The following AMBRA1 variants were observed in gnomAD, a reference collection of about 807,000 sequenced individuals.
The protein encoded by AMBRA1 is autophagy and beclin 1 regulator 1, also known as activating molecule in BECN1-regulated autophagy protein 1.
AMBRA1 carries 47 observed loss-of-function variants against 125.4 expected under a neutral mutation model. The ratio of observed to expected loss-of-function variants is 0.37; its 90% CI spans 0.30 to 0.48. The LOEUF (loss-of-function observed/expected upper bound fraction) is 0.48. Among genes scored for constraint, AMBRA1 ranks in the 20% least tolerant of loss-of-function variants. AMBRA1 has a pLI of 0.99. For missense variants in AMBRA1, 1,331 were observed against 1,693.4 expected, an observed-to-expected ratio of 0.79 and a Z score of 3.76; for synonymous variants, 626 against 655.5, an observed-to-expected ratio of 0.95 and a Z score of 0.69.
At chr11:46,584,400 C>T (rs1312383071) in intron 1 of AMBRA1, among the ~76,000 whole-genome samples, 1 of 146,106 alleles carries the variant, frequency 6.8e-6, no homozygotes, top group African/African-American at 2.5e-5. Flanking sequence ...GGAGGGATAG[C>T]ATTAGGAGAT....
intron 7 of AMBRA1, among the ~76,000 whole-genome samples, chr11:46,527,810 C>T (rs912861453): frequency 1.3e-5 from 2 of 151,732 alleles, no homozygotes; most frequent in African/African-American, 4.8e-5. Context: ...CAGGAAATAA[C>T]AAGTGCTGAC....
intron 7 of AMBRA1, among the ~76,000 whole-genome samples, chr11:46,525,336 T>A (rs1362872347): frequency 6.6e-6 from 1 of 151,876 alleles, no homozygotes; most frequent in East Asian, 1.9e-4. Flanking sequence ...GCGCGGTGGC[T>A]CACACCACAC....
At chr11:46,585,947 A>C (rs1002349891) in intron 1 of AMBRA1, among the ~76,000 whole-genome samples, 2 of 150,364 alleles carry the variant, frequency 1.3e-5, no homozygotes, top group African/African-American at 2.4e-5. Context: ...CTGAGATTAC[A>C]GGCATGCACC....
intron 1 of AMBRA1, among the ~76,000 whole-genome samples, chr11:46,562,215 C>A (rs1245944212): frequency 6.6e-6 from 1 of 151,900 alleles, no homozygotes; most frequent in African/African-American, 2.4e-5. Context: ...AGAAAAGAGG[C>A]AGGTGAAAAA....
intron 9 of AMBRA1, among the ~76,000 whole-genome samples, chr11:46,501,302 G>A (rs1565224216): frequency 6.6e-6 from 1 of 152,302 alleles, no homozygotes; most frequent in East Asian, 1.9e-4. Context: ...CCAAAGATGT[G>A]CACATTGGAT....
chr11:46,453,334 C>T (rs2136799756), intron 11 of AMBRA1, among the ~76,000 whole-genome samples: 1 of 152,044 alleles, frequency 6.6e-6, no homozygotes. Flanking sequence ...GGTGCAATCA[C>T]AGCTCACTGC....
At chr11:46,507,616 C>A (rs1017772330) in intron 9 of AMBRA1, among the ~76,000 whole-genome samples, 1 of 152,138 alleles carries the variant, frequency 6.6e-6, no homozygotes, top group East Asian at 1.9e-4. Context: ...ATTTCTCAAC[C>A]CACCACATTA....
intron 13 of AMBRA1, among the ~76,000 whole-genome samples, chr11:46,433,859 T>C (rs1947575109): frequency 6.6e-6 from 1 of 152,166 alleles, no homozygotes; most frequent in African/African-American, 2.4e-5. Flanking sequence ...CTCATGCCTG[T>C]AATCCCAGCA....
Position 46,542,317 on chromosome 11 carries a change from C to T in AMBRA1, c.1700G>A (p.Arg567His), listed in dbSNP as rs369659711. Residue 567 changes from arginine (R) to histidine (H), a missense_variant, in exon 7 of 18, where the codon CGC (arginine) becomes CAC (histidine). Physicochemically the swap from Arg to His is conservative, Grantham distance 29 (BLOSUM62 0). Transcript: ENST00000683756. This position sits in a 1 kb window ranked among gnomAD's most constrained non-coding sequence, Gnocchi z 5.9. ...NSNLSRGHLN[R>H]CRACHNLLTF... ...CAGGAGATTGTGGCAAGCACGACAGCGATTCAGGTGGCCACGGGACAGGTT... is the reference window on the plus strand; with the variant it reads ...CAGGAGATTGTGGCAAGCACGACAGTGATTCAGGTGGCCACGGGACAGGTT... 32 of 1,613,960 alleles carry T rather than the reference C, an allele frequency of 2.0e-5. No individual in the cohort carries two copies. Among genetic ancestry groups the T allele is most frequent in the Admixed American group, 6.7e-5 (4 of 60,002 alleles).
At chr11:46,588,307 G>C (rs1178173285) in intron 1 of AMBRA1, among the ~76,000 whole-genome samples, 1 of 152,122 alleles carries the variant, frequency 6.6e-6, no homozygotes, top group Non-Finnish European at 1.5e-5. Flanking sequence ...ACTCCAGCCT[G>C]GATGACAGAG....
intron 11 of AMBRA1, among the ~76,000 whole-genome samples, chr11:46,478,836 C>G (rs938213420): frequency 6.6e-6 from 1 of 151,976 alleles, no homozygotes; most frequent in Non-Finnish European, 1.5e-5. Context: ...CTTGAAAGTT[C>G]TAAATCTGTA....
intron 14 of AMBRA1, among the ~76,000 whole-genome samples, chr11:46,418,769 C>A (rs897887819): frequency 4.6e-5 from 7 of 152,176 alleles, no homozygotes; most frequent in African/African-American, 1.7e-4. Flanking sequence ...CTAGGGGACT[C>A]TATGGCTCTA....
chr11:46,536,964 C>T (rs1170998712), intron 7 of AMBRA1, among the ~76,000 whole-genome samples: 1 of 152,210 alleles, frequency 6.6e-6, no homozygotes, highest in Non-Finnish European at 1.5e-5. Flanking sequence ...TCTTTAACTA[C>T]CTAGAGACAG....
intron 1 of AMBRA1, among the ~76,000 whole-genome samples, chr11:46,586,027 C>T (rs1253295687): frequency 6.6e-6 from 1 of 151,910 alleles, no homozygotes; most frequent in Admixed American, 6.6e-5. Context: ...TGGTCATGAA[C>T]TCCCAACCTC....
At chr11:46,508,486 T>G (rs1353730125) in intron 8 of AMBRA1, 116 bp from the exon 9 acceptor site, 1 of 1,073,838 alleles carries the variant, frequency 9.3e-7, no homozygotes, top group African/African-American at 1.6e-5. Context: ...TCTGGAGACA[T>G]GAAAATTAAA....
intron 1 of AMBRA1, among the ~76,000 whole-genome samples, chr11:46,565,805 T>C (rs1032102097): frequency 1.3e-5 from 2 of 152,070 alleles, no homozygotes; most frequent in East Asian, 1.9e-4. Flanking sequence ...GGTCTCCCTC[T>C]GTCGCCCAGG....
chr11:46,510,050 G>C (rs1951200304), intron 8 of AMBRA1, among the ~76,000 whole-genome samples: 1 of 152,136 alleles, frequency 6.6e-6, no homozygotes. Flanking sequence ...ATCAAAGGTG[G>C]TATCCTTCTG....
chr11:46,542,592 T>A lies in AMBRA1; in HGVS notation c.1425A>T (p.Ser475=). 2 of 1,613,888 alleles carry A rather than the reference T, an allele frequency of 1.2e-6. No homozygotes were observed. Among genetic ancestry groups the A allele is most frequent in the East Asian group, 4.5e-5 (2 of 44,882 alleles). ...CTCCATCTGACTCAGTTGCCAACCC[T>A]GATGCCGGAAAACCCCTCCCTTCTG... The part of the protein sequence containing the change: ...SATEGRGFPA[S]GLATESDGGN... The change falls in exon 7 of 18, where the codon TCA becomes TCT. Residue 475 remains serine (S), a synonymous_variant. Coordinates refer to ENST00000683756, the MANE Select transcript of AMBRA1 (RefSeq NM_001387011.1). The surrounding 1 kb of genome is among the most constrained non-coding windows in gnomAD (Gnocchi z 5.9).
chr11:46,561,909 G>C (rs1222242147), intron 1 of AMBRA1, among the ~76,000 whole-genome samples: 2 of 152,060 alleles, frequency 1.3e-5, no homozygotes, highest in Non-Finnish European at 2.9e-5. Flanking sequence ...CTTAAAGATG[G>C]GGAAGGATGT....
Sources: gnomAD v4.1 joint callset for allele counts (sites outside exome capture counted in the v4.1 genomes callset) on GRCh38, gnomAD v4.1.1 for gene constraint, Gnocchi (gnomAD v3.1) non-coding constraint, MANE v1.5 for transcripts, NCBI Gene and HGNC (gene_info 2026-07-23, HGNC 2026-07-21) for gene names.